Variants in RGS6 observed in about 807,000 individuals in gnomAD.
The protein encoded by RGS6 is regulator of G-protein signaling 6.
Under a neutral mutation model 78.5 loss-of-function variants are expected in RGS6, and 30 were observed. That is an observed-to-expected ratio of 0.38 (90% CI 0.29 to 0.52). The LOEUF (loss-of-function observed/expected upper bound fraction) is 0.52, where lower values mean the gene tolerates loss of function less well. Among genes scored for constraint, RGS6 ranks in the 20% least tolerant of loss-of-function variants. The pLI is 0.85. For missense variants in RGS6, 495 were observed against 609.7 expected, an observed-to-expected ratio of 0.81 and a Z score of 1.98; for synonymous variants, 206 against 206.0, an observed-to-expected ratio of 1.00 and a Z score of 0.00.
intron 2 of RGS6, among the ~76,000 whole-genome samples, chr14:72,148,439 A>T (rs1022805774): frequency 6.6e-6 from 1 of 152,304 alleles, no homozygotes; most frequent in African/African-American, 2.4e-5. Flanking sequence ...ATGGAAAATC[A>T]TTGATGGGTT....
intron 15 of RGS6, among the ~76,000 whole-genome samples, chr14:72,534,513 A>G (rs561340531): frequency 6.6e-6 from 1 of 152,364 alleles, no homozygotes; most frequent in Admixed American, 6.5e-5. Context: ...TCATGTTATC[A>G]CAAATGACAG....
intron 2 of RGS6, among the ~76,000 whole-genome samples, chr14:72,339,023 T>C (rs2076521245): frequency 6.6e-6 from 1 of 152,178 alleles, no homozygotes; most frequent in African/African-American, 2.4e-5. Flanking sequence ...TCCTTTAGAA[T>C]TGATAAAAAG....
At chr14:72,544,913 G>A (rs747219490) in intron 17 of RGS6, among the ~76,000 whole-genome samples, 11 of 152,206 alleles carry the variant, frequency 7.2e-5, no homozygotes, top group African/African-American at 1.2e-4. Flanking sequence ...AAGGCTCTCC[G>A]CAGGGGAGGG....
At chr14:71,944,162 C>A (rs565140472) in intron 1 of RGS6, among the ~76,000 whole-genome samples, 5 of 152,090 alleles carry the variant, frequency 3.3e-5, no homozygotes, top group African/African-American at 1.2e-4. Flanking sequence ...GATAAAAATT[C>A]GTTGCCTAAA....
At chr14:72,308,331 GA>G (rs1730772202) in intron 2 of RGS6, among the ~76,000 whole-genome samples, 1 of 152,230 alleles carries the variant, frequency 6.6e-6, no homozygotes, top group South Asian at 2.1e-4. Context: ...TGTCCTTCAG[GA>G]CTCAACTCAA....
the RGS6 span, among the ~76,000 whole-genome samples, chr14:71,891,688 A>AC: frequency 0.23 from 34,466 of 151,904 alleles, 4,814 homozygotes; most frequent in African/African-American, 0.4. Flanking sequence ...AAACAACAAA[A>AC]CCCAAACCGC....
the RGS6 span, among the ~76,000 whole-genome samples, chr14:72,593,468 C>G: frequency 6.6e-6 from 1 of 152,282 alleles, no homozygotes; most frequent in East Asian, 1.9e-4. Flanking sequence ...TCACTGCAAC[C>G]TCTGCCTCCA....
chr14:72,114,580 A>G (rs1046919579), intron 2 of RGS6, among the ~76,000 whole-genome samples: 1 of 152,246 alleles, frequency 6.6e-6, no homozygotes, highest in Admixed American at 6.5e-5. Context: ...GTATGCCAGC[A>G]TTGCTGTATC....
chr14:72,387,017 C>T lies in RGS6; in HGVS notation c.184+34823C>T, dbSNP rs116252311. On this transcript the variant is annotated intron_variant, in intron 3 of 17. Transcript: ENST00000553525. ...TGAGGGTGGTTTACACAGCTGTATA[C>T]GGTTACCAACACTCATCAAACTGTG... Among the ~76,000 whole-genome samples, 580 of 152,170 alleles carry T rather than the reference C, an allele frequency of 3.8e-3. 2 individuals carry two copies. The highest frequency in any genetic ancestry group is 0.012 in the African/African-American group (506 of 41,496).
intron 3 of RGS6, among the ~76,000 whole-genome samples, chr14:72,401,980 A>C (rs549273192): frequency 6.6e-6 from 1 of 152,216 alleles, no homozygotes; most frequent in Non-Finnish European, 1.5e-5. Flanking sequence ...GAAAGTGACA[A>C]AAGATGGAGC....
the RGS6 span, among the ~76,000 whole-genome samples, chr14:72,589,866 G>A: frequency 6.6e-6 from 1 of 152,114 alleles, no homozygotes; most frequent in African/African-American, 2.4e-5. Flanking sequence ...TATTGGATGG[G>A]GGAAACACAG....
intron 2 of RGS6, among the ~76,000 whole-genome samples, chr14:72,026,262 C>G (rs2089828277): frequency 6.6e-6 from 1 of 151,982 alleles, no homozygotes; most frequent in African/African-American, 2.4e-5. Flanking sequence ...TGAAAATTAG[C>G]CGGGCATGGT....
chr14:72,603,996 TAGTATAGTTTAACAGGATCCAAGAG>T, the RGS6 span, among the ~76,000 whole-genome samples: 1 of 152,090 alleles, frequency 6.6e-6, no homozygotes, highest in Admixed American at 6.5e-5. Context: ...GAGAGAGTAA[TAGTATAGTTTAACAGGATCCAAGAG>T]AGTATAGTTT....
chr14:72,375,797 A>G (rs1026728799), intron 3 of RGS6, among the ~76,000 whole-genome samples: 1 of 152,214 alleles, frequency 6.6e-6, no homozygotes, highest in Non-Finnish European at 1.5e-5. Context: ...AGACTATACT[A>G]CTGTGTCTAC....
chr14:72,503,314 C>T (rs2096753516), intron 13 of RGS6, among the ~76,000 whole-genome samples: 1 of 152,162 alleles, frequency 6.6e-6, no homozygotes, highest in Non-Finnish European at 1.5e-5. Context: ...CCTCAAGATC[C>T]CCAGAATTTA....
At chr14:72,445,275 C>T (rs891125023) in intron 3 of RGS6, among the ~76,000 whole-genome samples, 6 of 152,162 alleles carry the variant, frequency 3.9e-5, no homozygotes, top group Admixed American at 2.6e-4. Context: ...CTACAACCTC[C>T]GCCTCCCAGG....
chr14:72,092,623 C>G (rs1427307771), intron 2 of RGS6, among the ~76,000 whole-genome samples: 1 of 152,132 alleles, frequency 6.6e-6, no homozygotes, highest in Non-Finnish European at 1.5e-5. Flanking sequence ...CTCAGGTGAT[C>G]CACCTGCCTC....
chr14:72,107,480 C>T (rs1234655421), intron 2 of RGS6, among the ~76,000 whole-genome samples: 4 of 152,070 alleles, frequency 2.6e-5, no homozygotes, highest in African/African-American at 4.8e-5. Flanking sequence ...TCTGAGAATG[C>T]ACCCTGCTCC....
rs1005967728 is a variant in RGS6 at position 72,564,719 on chromosome 14, T to C, written c.*2252T>C. On this transcript the variant is annotated 3_prime_UTR_variant, in exon 18 of 18. Coordinates refer to ENST00000553525, the MANE Select transcript of RGS6 (RefSeq NM_001204424.2). ...CATTCCCTCTGTGCCCCCTTCTCCT[T>C]CTGACTGGTCTCACCCTGGAGATCC... 1.3e-5 allele frequency: 2 copies of C among 152,244 alleles called. No individual in the cohort carries two copies. Among genetic ancestry groups the C allele is most frequent in the Admixed American group, 6.5e-5 (1 of 15,284 alleles). The allele number at this position is 152,244 out of a possible 1,614,324, so 9.4% of individuals were successfully genotyped here. A position where few individuals can be genotyped will look rare whatever the true frequency, so the allele number is the denominator to read the frequency against.
Sources: gnomAD v4.1 joint callset for allele counts (sites outside exome capture counted in the v4.1 genomes callset) on GRCh38, gnomAD v4.1.1 for gene constraint, MANE v1.5 for transcripts, NCBI Gene and HGNC (gene_info 2026-07-23, HGNC 2026-07-21) for gene names.